Variants in CNNM2 observed in about 807,000 individuals in gnomAD.
CNNM2 encodes the protein metal transporter CNNM2.
Under a neutral mutation model 66.9 loss-of-function variants are expected in CNNM2, and 12 were observed. The observed-to-expected ratio is 0.18, with a 90% CI of 0.11 to 0.29. The LOEUF is 0.29. Ranked by LOEUF, CNNM2 falls within the 10% of genes least tolerant of loss-of-function variation. The probability of loss-of-function intolerance (pLI) is 1.00; values close to 1 mark genes in which losing one functional copy is unlikely to be tolerated. For synonymous variants in CNNM2, 557 were observed against 501.8 expected (o/e 1.11, Z -1.47); for missense variants, 705 against 1,167.7 (o/e 0.60, Z 5.77).
chr10:102,929,446 TAA>T (rs72447749), intron 1 of CNNM2, among the ~76,000 whole-genome samples: 8 of 125,728 alleles, frequency 6.4e-5, no homozygotes, highest in African/African-American at 8.7e-5. Context: ...ATGTCTTTTT[TAA>T]AAAAAAAAAA....
At chr10:102,958,578 C>T (rs1172664370) in intron 1 of CNNM2, among the ~76,000 whole-genome samples, 1 of 140,568 alleles carries the variant, frequency 7.1e-6, no homozygotes, top group African/African-American at 2.7e-5. Flanking sequence ...TCAGGCGATT[C>T]TCCTGCCTCA....
At chr10:103,050,406 G>A (rs1310561928) in intron 2 of CNNM2, among the ~76,000 whole-genome samples, 1 of 152,002 alleles carries the variant, frequency 6.6e-6, no homozygotes, top group Non-Finnish European at 1.5e-5. Context: ...TGGTAGTGGT[G>A]CATGCCTGTA....
In CNNM2 at chr10:103,085,041, A is replaced by G. The variant is rs1359371416; in HGVS notation, c.*7861A>G. The G allele has an allele frequency of 6.6e-6, 1 of 152,036 alleles. No individual in the cohort carries two copies. Among genetic ancestry groups the G allele is most frequent in the East Asian group, 1.9e-4 (1 of 5,180 alleles). 9.4% of individuals were successfully genotyped at this position (152,036 alleles called of 1,614,324 possible). On this transcript the variant is annotated 3_prime_UTR_variant, in exon 8 of 8. Transcript: ENST00000369878. ...TTTCAAGCAGTCCCAGGACAAAGGG[A>G]TGGTTCTAGGGCCCTTTTCTCTGAC...
intron 1 of CNNM2, 35 bp from the exon 2 acceptor site, chr10:103,049,672 A>G (rs759850444): frequency 5.0e-5 from 79 of 1,593,520 alleles, no homozygotes; most frequent in Admixed American, 2.3e-4. Flanking sequence ...GAAAATTCAG[A>G]AAGTCACTTC....
Position 103,068,619 on chromosome 10 carries a change from C to T in CNNM2, c.2074-10C>T. ...ACTGGACTGAAAATACCTGCCTTTT[C>T]TCTCCACAGGGGAAAGTGGAAGTTG... On this transcript the variant is annotated splice_polypyrimidine_tract_variant and intron_variant, in intron 4 of 7. Transcript: ENST00000369878. 6.2e-7 allele frequency: 1 copy of T among 1,606,078 alleles called. No homozygotes were observed. Among genetic ancestry groups the T allele is most frequent in the Non-Finnish European group, 8.5e-7 (1 of 1,175,748 alleles).
chr10:103,055,083 T>C (rs2134339492), intron 3 of CNNM2, among the ~76,000 whole-genome samples: 1 of 152,330 alleles, frequency 6.6e-6, no homozygotes, highest in Non-Finnish European at 1.5e-5. Flanking sequence ...AGTGTTCATG[T>C]TGTTTAAACC....
At chr10:102,973,827 CT>C (rs1230803663) in intron 1 of CNNM2, among the ~76,000 whole-genome samples, 62 of 84,692 alleles carry the variant, frequency 7.3e-4, no homozygotes, top group Non-Finnish European at 7.4e-4. Context: ...CCCCCCCCCC[CT>C]TTTTTAAAAC....
chr10:102,961,425 A>T (rs1294444937), intron 1 of CNNM2, among the ~76,000 whole-genome samples: 2 of 152,180 alleles, frequency 1.3e-5, no homozygotes, highest in East Asian at 3.8e-4. Flanking sequence ...ATGCTCAAAA[A>T]TTTACTCTAT....
chr10:102,971,714 A>G (rs1564826097), intron 1 of CNNM2, among the ~76,000 whole-genome samples: 3 of 152,154 alleles, frequency 2.0e-5, no homozygotes. Flanking sequence ...GTATGACTCT[A>G]CCATAATCTA....
chr10:103,054,202 C>T lies in CNNM2; in HGVS notation c.1766-127C>T. Reference sequence around the variant, plus strand: ...TCCCTCCTTCCCCGTGGCATCTGTGCATAGAGCGCCTGCATCTGGAAATAC... The same window carrying T: ...TCCCTCCTTCCCCGTGGCATCTGTGTATAGAGCGCCTGCATCTGGAAATAC... On this transcript the variant is annotated intron_variant, in intron 2 of 7. Coordinates refer to ENST00000369878, the MANE Select transcript of CNNM2 (RefSeq NM_017649.5). The surrounding 1 kb of genome is among the most constrained non-coding windows in gnomAD (Gnocchi z 5.2). 4.7e-6 allele frequency: 5 copies of T among 1,053,786 alleles called. No homozygotes were observed. The highest frequency in any genetic ancestry group is 2.5e-5 in the Admixed American group (1 of 40,424). The allele number at this position is 1,053,786 out of a possible 1,614,324, so 65.3% of individuals were successfully genotyped here.
intron 1 of CNNM2, among the ~76,000 whole-genome samples, chr10:103,046,331 G>A (rs957118456): frequency 2.6e-5 from 4 of 152,186 alleles, no homozygotes; most frequent in African/African-American, 9.7e-5. Flanking sequence ...CAAAGCAGCA[G>A]TCTTTAACCT....
In CNNM2 at chr10:102,996,169, T is replaced by C. The variant is rs75777185; in HGVS notation, c.1622-53538T>C. Among the ~76,000 whole-genome samples the C allele has an allele frequency of 4.1e-3, 621 of 152,308 alleles. 20 individuals are homozygous for C. The East Asian group carries it at 0.072, about 18-fold the overall frequency. The stretch of plus-strand genomic sequence containing the variant: ...TAATTTATATTATGTCTTTCTTTTT[T>C]GTTAGTCTTTCTAGAGGTTTATCAA... On this transcript the variant is annotated intron_variant, in intron 1 of 7. Transcript: ENST00000369878.
chr10:103,071,328 T>C (rs1264338542), intron 5 of CNNM2, among the ~76,000 whole-genome samples: 1 of 152,210 alleles, frequency 6.6e-6, no homozygotes, highest in Non-Finnish European at 1.5e-5. Context: ...CAGGTCAAAA[T>C]TAAAATGAGC....
intron 1 of CNNM2, among the ~76,000 whole-genome samples, chr10:103,040,728 G>A (rs912438602): frequency 6.6e-6 from 1 of 152,144 alleles, no homozygotes; most frequent in African/African-American, 2.4e-5. Context: ...GAGGAGGCAT[G>A]GAGCTGACTG....
At position 102,988,961 on chromosome 10, in the gene CNNM2, A is replaced by G. The variant is rs1890185; in HGVS notation, c.1622-60746A>G. Among the ~76,000 whole-genome samples, 61,971 of 152,028 alleles carry G rather than the reference A, an allele frequency of 0.41. 12,859 individuals carry two copies. Among genetic ancestry groups the G allele is most frequent in the East Asian group, 0.56 (2,892 of 5,180 alleles). ...CTTCTGAAAACTTAAGCAGATTAGAAGCCTTGAGTATAGGATTTAGAATAA... is the reference window on the plus strand; with the variant it reads ...CTTCTGAAAACTTAAGCAGATTAGAGGCCTTGAGTATAGGATTTAGAATAA... On this transcript the variant is annotated intron_variant, in intron 1 of 7. Coordinates refer to ENST00000369878, the MANE Select transcript of CNNM2 (RefSeq NM_017649.5).
chr10:103,042,015 C>G (rs527505370), intron 1 of CNNM2, among the ~76,000 whole-genome samples: 1 of 152,338 alleles, frequency 6.6e-6, no homozygotes, highest in Non-Finnish European at 1.5e-5. Flanking sequence ...ACTCTTGTAT[C>G]TATCTGACAT....
chr10:103,055,143 C>G (rs2065275645), intron 3 of CNNM2, among the ~76,000 whole-genome samples: 1 of 152,170 alleles, frequency 6.6e-6, no homozygotes, highest in Non-Finnish European at 1.5e-5. Context: ...GTTGAATGGA[C>G]TTAAGATACT....
At chr10:102,983,720 CA>C (rs2063753251) in intron 1 of CNNM2, among the ~76,000 whole-genome samples, 2 of 150,886 alleles carry the variant, frequency 1.3e-5, no homozygotes, top group African/African-American at 4.9e-5. Flanking sequence ...GGATTACAGG[CA>C]TGAGCCACCT....
chr10:103,057,465 TA>T (rs80025082), intron 4 of CNNM2, among the ~76,000 whole-genome samples: 2,882 of 141,048 alleles, frequency 0.02, 28 homozygotes, highest in Non-Finnish European at 0.023. Context: ...AACCCTGTTT[TA>T]AAAAAAAAAA....
Sources: allele counts gnomAD v4.1 joint callset (sites outside exome capture counted in the v4.1 genomes callset), GRCh38; gene constraint gnomAD v4.1.1; non-coding constraint Gnocchi (gnomAD v3.1); transcripts MANE v1.5; gene names NCBI Gene and HGNC (gene_info 2026-07-23, HGNC 2026-07-21).